The following DNAI4 variants were observed in gnomAD, a reference collection of about 807,000 sequenced individuals.
The protein encoded by DNAI4 is dynein axonemal intermediate chain 4.
DNAI4 carries 85 observed loss-of-function variants against 105.8 expected under a neutral mutation model. The observed-to-expected ratio is 0.80, with a 90% confidence interval of 0.67 to 0.96. The LOEUF is 0.96. Among genes scored for constraint, DNAI4 ranks in the 40% least tolerant of loss-of-function variants. DNAI4 has a pLI of 0.00. For synonymous variants in DNAI4, 352 were observed against 331.5 expected (o/e 1.06, Z -0.67); for missense variants, 1,014 against 1,005.6 (o/e 1.01, Z -0.11).
chr1:66,857,229 C>G (rs539833798), intron 7 of DNAI4, among the ~76,000 whole-genome samples: 13 of 150,286 alleles, frequency 8.7e-5, no homozygotes, highest in African/African-American at 3.2e-4. Context: ...AGCAAACTAT[C>G]ACAAGGAGAA....
chr1:66,876,545 A>G (rs1024543021), intron 4 of DNAI4, among the ~76,000 whole-genome samples: 1 of 152,198 alleles, frequency 6.6e-6, no homozygotes, highest in African/African-American at 2.4e-5. Flanking sequence ...CTTACCATTC[A>G]TAGACAAAGC....
At chr1:66,835,964 A>C (rs1645978144) in intron 10 of DNAI4, among the ~76,000 whole-genome samples, 187 bp from the exon 11 acceptor site, 1 of 151,684 alleles carries the variant, frequency 6.6e-6, no homozygotes, top group Non-Finnish European at 1.5e-5. Flanking sequence ...ATTTCCTTTG[A>C]TACAAGTATG....
chr1:66,922,964 C>A (rs1279245690), intron 1 of DNAI4, among the ~76,000 whole-genome samples: 1 of 152,152 alleles, frequency 6.6e-6, no homozygotes, highest in Non-Finnish European at 1.5e-5. Context: ...GGTTTATGGA[C>A]TAACCCAGCA....
At chr1:66,913,354 G>A (rs571736296) in intron 1 of DNAI4, among the ~76,000 whole-genome samples, 1 of 152,268 alleles carries the variant, frequency 6.6e-6, no homozygotes, top group South Asian at 2.1e-4. Context: ...ATTCTACAAA[G>A]TCTTTATTGC....
chr1:66,875,067 G>T, intron 4 of DNAI4, 130 bp from the exon 5 acceptor site: 2 of 875,990 alleles, frequency 2.3e-6, no homozygotes, highest in Non-Finnish European at 3.4e-6. Flanking sequence ...GAACAGGCCA[G>T]GTTGTGAGAT....
At chr1:66,853,093 A>C (rs1047567543) in intron 7 of DNAI4, among the ~76,000 whole-genome samples, 1 of 152,214 alleles carries the variant, frequency 6.6e-6, no homozygotes, top group African/African-American at 2.4e-5. Flanking sequence ...TGAGGAAGTG[A>C]AACCAAAATG....
intron 13 of DNAI4, among the ~76,000 whole-genome samples, chr1:66,830,677 A>G (rs6692278): frequency 0.41 from 61,640 of 151,190 alleles, 13,039 homozygotes; most frequent in South Asian, 0.51. Flanking sequence ...ACTACTCAGG[A>G]GACTGAGGTG....
At chr1:66,904,878 T>C (rs1332105797) in intron 2 of DNAI4, 1 of 293,572 alleles carries the variant, frequency 3.4e-6, no homozygotes, top group African/African-American at 2.1e-5. Context: ...GACAAATAAT[T>C]TTATTGTATT....
chr1:66,905,549 G>A (rs1477679992), intron 1 of DNAI4, among the ~76,000 whole-genome samples, 174 bp from the exon 2 acceptor site: 1 of 152,078 alleles, frequency 6.6e-6, no homozygotes, highest in Non-Finnish European at 1.5e-5. Context: ...TAAAGAGTTG[G>A]CATATATTAC....
intron 8 of DNAI4, among the ~76,000 whole-genome samples, chr1:66,841,872 C>T (rs367826132): frequency 6.6e-6 from 1 of 152,174 alleles, no homozygotes; most frequent in Non-Finnish European, 1.5e-5. Context: ...GGTTCACGCA[C>T]AGTATTGTAT....
Position 66,914,612 on chromosome 1 carries a change from G to A in DNAI4, c.171-9237C>T, listed in dbSNP as rs1649926827. ...ATTTTGCTATCTGACTTTCACCTGA[G>A]TTGTTTCCTTTAACATGCACATTTA... is the stretch of plus-strand genomic sequence containing the variant. On this transcript the variant is annotated intron_variant, in intron 1 of 16. Coordinates refer to ENST00000371026, the MANE Select transcript of DNAI4 (RefSeq NM_024763.5). Among the ~76,000 whole-genome samples the A allele has an allele frequency of 2.0e-5, 3 of 151,728 alleles. 1 individual carries two copies. The highest frequency in any genetic ancestry group is 2.0e-4 in the Admixed American group (3 of 15,236).
At chr1:66,915,532 GT>G (rs1167493076) in intron 1 of DNAI4, among the ~76,000 whole-genome samples, 28 of 152,126 alleles carry the variant, frequency 1.8e-4, no homozygotes, top group Admixed American at 2.0e-4. Flanking sequence ...ATAAATACTT[GT>G]AGACAAACTT....
At chr1:66,838,575 A>G (rs1289818762) in intron 9 of DNAI4, among the ~76,000 whole-genome samples, 1 of 152,256 alleles carries the variant, frequency 6.6e-6, no homozygotes, top group African/African-American at 2.4e-5. Flanking sequence ...ATGTAAATAC[A>G]AATAGGCAAA....
rs759723511 is a variant in DNAI4 at position 66,822,466 on chromosome 1, G to C, written c.2391C>G (p.Thr797=). Residue 797 remains threonine (T), a synonymous_variant, in exon 16 of 17, where the codon ACC becomes ACG. Transcript: ENST00000371026. The stretch of plus-strand genomic sequence containing the variant: ...AATCTGTTTGTTTGGCAAAGAGAAT[G>C]GTTGTGAACTTGATTCCAGGGTTAG... ...NTANPGIKFT[T]ILFAKQTDCL... 7.4e-6 allele frequency: 12 copies of C among 1,612,778 alleles called. No homozygotes were observed. In the East Asian group the frequency reaches 2.5e-4, roughly 33 times the overall value.
In DNAI4 at chr1:66,891,251, G is replaced by C. The variant is rs1188004785; in HGVS notation, c.546C>G (p.Ser182Arg). The C allele has an allele frequency of 3.1e-6, 5 of 1,612,988 alleles. No individual in the cohort carries two copies. The South Asian group carries it at 5.5e-5, about 18-fold the overall frequency. The change falls in exon 4 of 17, where the codon AGC becomes AGG. Residue 182 changes from serine to arginine, a missense_variant. Transcript: ENST00000371026. ...LGQFTRSVLG[S>R]STVSKSSVSA... ...ATACACTTGACTTAGAAACTGTACT[G>C]CTTCCTAAAACTGACCTTTAATAAT...
intron 1 of DNAI4, among the ~76,000 whole-genome samples, chr1:66,915,865 G>GT (rs1650027790): frequency 6.6e-6 from 1 of 152,096 alleles, no homozygotes; most frequent in African/African-American, 2.4e-5. Context: ...GCTCACGTCT[G>GT]TAATCCAACA....
intron 2 of DNAI4, among the ~76,000 whole-genome samples, chr1:66,899,390 A>G (rs1013650635): frequency 9.2e-5 from 14 of 152,310 alleles, no homozygotes; most frequent in East Asian, 3.9e-4. Flanking sequence ...TCATTTGTAT[A>G]TATTTTCTTG....
chr1:66,891,923 A>G (rs1329546193), intron 3 of DNAI4, among the ~76,000 whole-genome samples: 2 of 152,008 alleles, frequency 1.3e-5, no homozygotes, highest in Non-Finnish European at 2.9e-5. Context: ...TAGTTCCTCA[A>G]TCTTACAGAG....
chr1:66,845,416 T>C (rs1646255816), intron 8 of DNAI4, among the ~76,000 whole-genome samples: 1 of 152,118 alleles, frequency 6.6e-6, no homozygotes, highest in African/African-American at 2.4e-5. Flanking sequence ...GTTGTGGGAG[T>C]ATAAGATGGT....
Sources: allele counts gnomAD v4.1 joint callset (sites outside exome capture counted in the v4.1 genomes callset), GRCh38; gene constraint gnomAD v4.1.1; transcripts MANE v1.5; gene names NCBI Gene and HGNC (gene_info 2026-07-23, HGNC 2026-07-21).